GFRA3: variants seen among roughly 807,000 people sequenced by gnomAD.
GFRA3 encodes the protein GDNF family receptor alpha-3.
A neutral mutation model predicts 40.0 loss-of-function variants in GFRA3; 24 were observed. The ratio of observed to expected loss-of-function variants is 0.60; its 90% confidence interval spans 0.43 to 0.84. The LOEUF is 0.84. Among genes scored for constraint, GFRA3 ranks in the 40% least tolerant of loss-of-function variants. The pLI is 0.00. For synonymous variants in GFRA3, 203 were observed against 213.5 expected, an observed-to-expected ratio of 0.95 and a Z score of 0.43; for missense variants, 405 against 530.6, an observed-to-expected ratio of 0.76 and a Z score of 2.33.
At chr5:138,264,941 G>T (rs1240538988) in intron 1 of GFRA3, among the ~76,000 whole-genome samples, 1 of 152,086 alleles carries the variant, frequency 6.6e-6, no homozygotes, top group Non-Finnish European at 1.5e-5. Flanking sequence ...ACAAGGGAGT[G>T]CTAAATGGGA....
intron 1 of GFRA3, among the ~76,000 whole-genome samples, chr5:138,271,797 C>T (rs1221495954): frequency 6.8e-6 from 1 of 147,838 alleles, no homozygotes; most frequent in South Asian, 2.1e-4. Context: ...GGGCTGGTCT[C>T]GAACTCTTGA....
Position 138,273,411 on chromosome 5 carries a change from G to A in GFRA3, c.91+923C>T, listed in dbSNP as rs577800833. ...TAATGTTTTCCCCTGATCCTGACAT[G>A]CAGCCATAACCTTTAGGATTAGTGA... is the stretch of plus-strand genomic sequence containing the variant. On this transcript the variant is annotated intron_variant, in intron 1 of 7. Transcript: ENST00000274721. 6.6e-5 allele frequency among the ~76,000 whole-genome samples: 10 copies of A among 152,320 alleles called. No individual in the cohort carries two copies. The East Asian group carries it at 1.7e-3, about 26-fold the overall frequency.
intron 1 of GFRA3, among the ~76,000 whole-genome samples, chr5:138,268,434 A>G (rs1001951153): frequency 6.7e-6 from 1 of 148,480 alleles, no homozygotes; most frequent in Non-Finnish European, 1.5e-5. Flanking sequence ...AAAGATAAAT[A>G]GCTGGTACTT....
chr5:138,258,200 G>C (rs184489776), intron 3 of GFRA3, among the ~76,000 whole-genome samples: 2,083 of 34,658 alleles, frequency 0.06, 53 homozygotes, highest in Middle Eastern at 0.12. Flanking sequence ...TTTTTTTTGA[G>C]ACGGAGTTTT....
chr5:138,256,118 C>T (rs1792151714), intron 4 of GFRA3, among the ~76,000 whole-genome samples: 1 of 150,496 alleles, frequency 6.6e-6, no homozygotes, highest in Non-Finnish European at 1.5e-5. Context: ...GTAATCCCAG[C>T]TACTTGGGAG....
At chr5:138,257,024 C>T (rs1362463046) in intron 4 of GFRA3, among the ~76,000 whole-genome samples, 3 of 151,432 alleles carry the variant, frequency 2.0e-5, no homozygotes, top group African/African-American at 7.3e-5. Flanking sequence ...TTACTCTTCA[C>T]CGGTACTCTA....
chr5:138,261,165 C>T (rs1755704264), intron 2 of GFRA3, among the ~76,000 whole-genome samples: 1 of 152,182 alleles, frequency 6.6e-6, no homozygotes. Context: ...TGGCAGTCTT[C>T]ATTATGCAGT....
intron 3 of GFRA3, among the ~76,000 whole-genome samples, chr5:138,259,300 G>T (rs1755679429): frequency 6.6e-6 from 1 of 152,238 alleles, no homozygotes; most frequent in Admixed American, 6.5e-5. Context: ...CTTTGCAGGG[G>T]CTCGCCTTGT....
chr5:138,271,904 T>TG (rs1182511631), intron 1 of GFRA3, among the ~76,000 whole-genome samples: 1,468 of 121,384 alleles, frequency 0.012, 15 homozygotes, highest in Admixed American at 0.042. Context: ...TTTTTTTTTT[T>TG]TTTTTTTTTT....
Position 138,274,532 on chromosome 5 carries a change from C to A in GFRA3, c.-108G>T. 6 of 1,235,130 alleles carry A rather than the reference C, an allele frequency of 4.9e-6. No individual in the cohort carries two copies. The highest frequency in any genetic ancestry group is 3.1e-4 in the Middle Eastern group (1 of 3,222). The allele number at this position is 1,235,130 out of a possible 1,614,324, so 76.5% of individuals were successfully genotyped here. A position where few individuals can be genotyped will look rare whatever the true frequency, so the allele number is the denominator to read the frequency against. ...CCCGCCCCCGCCTCCCGCCCTCCAG[C>A]GCGACGCACACACTCTCCCACCAGG... On this transcript the variant is annotated 5_prime_UTR_variant, in exon 1 of 8. Transcript: ENST00000274721.
At chr5:138,273,316 CAA>C (rs1290457345) in intron 1 of GFRA3, among the ~76,000 whole-genome samples, 2 of 152,178 alleles carry the variant, frequency 1.3e-5, no homozygotes, top group Non-Finnish European at 2.9e-5. Flanking sequence ...TCATTGCTGT[CAA>C]GTATTACTGT....
At chr5:138,255,760 A>G (rs761462438) in intron 4 of GFRA3, among the ~76,000 whole-genome samples, 1 of 151,932 alleles carries the variant, frequency 6.6e-6, no homozygotes, top group Non-Finnish European at 1.5e-5. Context: ...TTAGCTGGGC[A>G]CTGTGGTGTG....
rs151304089 is a variant in GFRA3, at chr5:138,253,360, G to A, written c.1040C>T (p.Ala347Val). The change falls in exon 7 of 8, where the codon GCT becomes GTT. Residue 347 changes from alanine to valine, a missense_variant. Physicochemically the swap from Ala to Val is moderately conservative, Grantham distance 64 (BLOSUM62 0). Coordinates refer to ENST00000274721, the MANE Select transcript of GFRA3 (RefSeq NM_001496.4). ...GAGTTGGCTGTGAAAACGCATCTTAGCTGCAATGGCCTCCGCTGAAGAGAG... is the reference window on the plus strand; with the variant it reads ...GAGTTGGCTGTGAAAACGCATCTTAACTGCAATGGCCTCCGCTGAAGAGAG... ...HNPCLTEAIA[A>V]KMRFHSQLFS... The A allele has an allele frequency of 2.5e-6, 4 of 1,596,942 alleles. No homozygotes were observed. The African/African-American group carries it at 4.0e-5, about 16-fold the overall frequency.
chr5:138,269,342 C>G (rs1056275028), intron 1 of GFRA3, among the ~76,000 whole-genome samples: 1 of 151,626 alleles, frequency 6.6e-6, no homozygotes, highest in Non-Finnish European at 1.5e-5. Flanking sequence ...TCAAGACCAG[C>G]CTGGCCAACA....
intron 1 of GFRA3, among the ~76,000 whole-genome samples, chr5:138,268,409 C>CAA (rs59137747): frequency 8.6e-6 from 1 of 116,126 alleles, no homozygotes. Context: ...AAAGCAAATG[C>CAA]AAAAAAAAAA....
At chr5:138,259,287 G>A (rs1015497887) in intron 3 of GFRA3, among the ~76,000 whole-genome samples, 10 of 152,162 alleles carry the variant, frequency 6.6e-5, no homozygotes, top group African/African-American at 1.4e-4. Flanking sequence ...CTCCCACCAC[G>A]CCCTTTGCAG....
rs1228151424 is a variant in GFRA3 at position 138,253,032 on chromosome 5, T to C, written c.1139A>G (p.Gln380Arg). ...HQNENPAVRP[Q>R]PWVPSLFSCT... Reference sequence around the variant, plus strand: ...GGAGAAAAGAGAGGGCACCCAGGGCTGTGGCCTCACAGCAGGGTTTTCATT... The same window carrying C: ...GGAGAAAAGAGAGGGCACCCAGGGCCGTGGCCTCACAGCAGGGTTTTCATT... Residue 380 changes from glutamine (Q) to arginine (R), a missense_variant, in exon 8 of 8, where the codon CAG (glutamine) becomes CGG (arginine). Coordinates refer to ENST00000274721, the MANE Select transcript of GFRA3 (RefSeq NM_001496.4). 1.9e-5 allele frequency: 31 copies of C among 1,603,484 alleles called. No homozygotes were observed. The highest frequency in any genetic ancestry group is 2.6e-5 in the Non-Finnish European group (30 of 1,170,768).
rs1424276514 is a variant in GFRA3 at position 138,264,289 on chromosome 5, A to G, written c.351T>C (p.Tyr117=). Residue 117 remains tyrosine (Y), a synonymous_variant, in exon 2 of 8, where the codon TAT becomes TAC. Coordinates refer to ENST00000274721, the MANE Select transcript of GFRA3 (RefSeq NM_001496.4). Reference sequence around the variant, plus strand: ...GGCTGCGGGCACGGTGAACGGTCCAATAGATGTCCAAGCAGGCAACCTGGT... The same window carrying G: ...GGCTGCGGGCACGGTGAACGGTCCAGTAGATGTCCAAGCAGGCAACCTGGT... ...MKNQVACLDI[Y]WTVHRARSLG... 4.3e-6 allele frequency: 7 copies of G among 1,610,398 alleles called. No homozygotes were observed. The highest frequency in any genetic ancestry group is 5.9e-6 in the Non-Finnish European group (7 of 1,177,182).
intron 1 of GFRA3, 71 bp from the exon 2 acceptor site, chr5:138,264,619 T>G: frequency 9.7e-7 from 1 of 1,032,542 alleles, no homozygotes; most frequent in Non-Finnish European, 1.4e-6. Flanking sequence ...AGTCATGAGG[T>G]TGGGAGAGGG....
Sources: gnomAD v4.1 joint callset for allele counts (sites outside exome capture counted in the v4.1 genomes callset) on GRCh38, gnomAD v4.1.1 for gene constraint, MANE v1.5 for transcripts, NCBI Gene and HGNC (gene_info 2026-07-23, HGNC 2026-07-21) for gene names.